AKT3: variants seen among roughly 807,000 people sequenced by gnomAD.
AKT3 encodes AKT serine/threonine kinase 3.
A neutral mutation model predicts 65.3 loss-of-function variants in AKT3; 15 were observed. The observed-to-expected ratio is 0.23, with a 90% CI of 0.15 to 0.35. The LOEUF is 0.35. Ranked by LOEUF, AKT3 falls within the 10% of genes least tolerant of loss-of-function variation. The pLI, the probability that AKT3 is intolerant of heterozygous loss-of-function variation, is 1.00. For synonymous variants in AKT3, 206 were observed against 183.8 expected, an observed-to-expected ratio of 1.12 and a Z score of -0.98; for missense variants, 243 against 576.5, an observed-to-expected ratio of 0.42 and a Z score of 5.92.
chr1:243,522,201 T>C (rs2148388740), intron 12 of AKT3, among the ~76,000 whole-genome samples: 1 of 152,346 alleles, frequency 6.6e-6, no homozygotes, highest in South Asian at 2.1e-4. Context: ...CTTCTTCAGC[T>C]GATTTTATAG....
At chr1:243,763,720 G>GT (rs2148252731) in intron 2 of AKT3, among the ~76,000 whole-genome samples, 1 of 152,160 alleles carries the variant, frequency 6.6e-6, no homozygotes, top group Admixed American at 6.5e-5. Flanking sequence ...ATATAATTTT[G>GT]TAAGTATATT....
intron 3 of AKT3, among the ~76,000 whole-genome samples, chr1:243,690,240 C>T (rs939715369): frequency 6.6e-6 from 1 of 152,032 alleles, no homozygotes; most frequent in Non-Finnish European, 1.5e-5. Flanking sequence ...CACACGTCCT[C>T]CATGTGGGAA....
chr1:243,787,445 G>A (rs1350524999), intron 2 of AKT3, among the ~76,000 whole-genome samples: 3 of 152,126 alleles, frequency 2.0e-5, no homozygotes, highest in Non-Finnish European at 4.4e-5. Flanking sequence ...AGATATAGCT[G>A]TTTCCTGGTC....
At chr1:243,804,754 G>C (rs980702536) in intron 2 of AKT3, among the ~76,000 whole-genome samples, 4 of 151,986 alleles carry the variant, frequency 2.6e-5, no homozygotes, top group Admixed American at 2.0e-4. Flanking sequence ...GGCTGAGGCA[G>C]GAGAACGGCG....
intron 6 of AKT3, among the ~76,000 whole-genome samples, chr1:243,617,081 A>G (rs1678379670): frequency 6.6e-6 from 1 of 152,198 alleles, no homozygotes; most frequent in African/African-American, 2.4e-5. Context: ...ATTGAACTGA[A>G]TTGTGTATCA....
chr1:243,749,103 C>T (rs938836221), intron 2 of AKT3, among the ~76,000 whole-genome samples: 3 of 152,042 alleles, frequency 2.0e-5, no homozygotes, highest in African/African-American at 7.2e-5. Context: ...TTGAAAAGTT[C>T]CCTTCTACTT....
At chr1:243,630,463 G>C (rs1679525792) in intron 6 of AKT3, among the ~76,000 whole-genome samples, 1 of 152,132 alleles carries the variant, frequency 6.6e-6, no homozygotes, top group Admixed American at 6.5e-5. Context: ...ACTCAGAAAG[G>C]GAGAAATTGG....
rs1053345663 is a variant in AKT3, at chr1:243,526,698, C to T, written c.1252-14272G>A. Reference sequence around the variant, plus strand: ...ACAATTTTATATTCAGTAAAAATATCCTTTAAGAATGAAGGCAAAATAAAG... The same window carrying T: ...ACAATTTTATATTCAGTAAAAATATTCTTTAAGAATGAAGGCAAAATAAAG... On this transcript the variant is annotated intron_variant, in intron 12 of 13. Transcript: ENST00000673466. Among the ~76,000 whole-genome samples, 4 of 139,080 alleles carry T rather than the reference C, an allele frequency of 2.9e-5. No homozygotes were observed. The South Asian group carries it at 9.3e-4, about 32-fold the overall frequency. The allele number at this position is 139,080 out of a possible 152,430, so 91.2% of individuals were successfully genotyped here.
intron 2 of AKT3, among the ~76,000 whole-genome samples, chr1:243,834,239 A>G (rs1694740710): frequency 6.6e-6 from 1 of 152,188 alleles, no homozygotes. Flanking sequence ...ACTACTGACA[A>G]CAGAAAAGAC....
At chr1:243,820,920 G>C (rs1005811725) in intron 2 of AKT3, among the ~76,000 whole-genome samples, 1 of 152,030 alleles carries the variant, frequency 6.6e-6, no homozygotes, top group African/African-American at 2.4e-5. Context: ...TTCAAATCCA[G>C]GAAATCCAGA....
chr1:243,810,552 A>G (rs575063255), intron 2 of AKT3, among the ~76,000 whole-genome samples: 1 of 152,230 alleles, frequency 6.6e-6, no homozygotes, highest in Admixed American at 6.5e-5. Context: ...CCAACCAAAA[A>G]AAGTCCAGGA....
At chr1:243,842,438 A>T (rs1695300577) in intron 2 of AKT3, among the ~76,000 whole-genome samples, 1 of 152,234 alleles carries the variant, frequency 6.6e-6, no homozygotes, top group Admixed American at 6.5e-5. Context: ...TAAGCAGGTG[A>T]TCTCACAGAT....
intron 2 of AKT3, among the ~76,000 whole-genome samples, chr1:243,826,714 G>A (rs181687098): frequency 2.0e-5 from 3 of 152,086 alleles, no homozygotes; most frequent in Admixed American, 1.3e-4. Flanking sequence ...AACTATAACC[G>A]CCCACCTATA....
Position 243,811,871 on chromosome 1 carries a change from G to A in AKT3, c.46+31254C>T, listed in dbSNP as rs537724853. ...AGAGCCCTCAGAAATAATACCACAC[G>A]TCTACAACCATCTGATCTTTGACAA... On this transcript the variant is annotated intron_variant, in intron 2 of 13. Coordinates refer to ENST00000673466, the MANE Select transcript of AKT3 (RefSeq NM_005465.7). Among the ~76,000 whole-genome samples the A allele has an allele frequency of 7.2e-4, 109 of 152,102 alleles. 1 individual carries two copies. The South Asian group carries it at 7.9e-3, about 11-fold the overall frequency.
intron 8 of AKT3, among the ~76,000 whole-genome samples, chr1:243,610,877 G>A (rs547664293): frequency 2.0e-5 from 3 of 152,294 alleles, no homozygotes; most frequent in Non-Finnish European, 2.9e-5. Context: ...ATATTGGGCT[G>A]TCTCATTCTT....
downstream of AKT3, among the ~76,000 whole-genome samples, chr1:243,495,341 T>A (rs187291787): frequency 6.6e-6 from 1 of 152,294 alleles, no homozygotes; most frequent in East Asian, 1.9e-4. Context: ...TGGATACCTT[T>A]CCATTCCTCT....
chr1:243,538,791 T>C (rs1259443624), intron 12 of AKT3, among the ~76,000 whole-genome samples: 1 of 146,452 alleles, frequency 6.8e-6, no homozygotes, highest in Non-Finnish European at 1.5e-5. Context: ...AGCCCAGGAG[T>C]TCAAATCCAG....
intron 12 of AKT3, among the ~76,000 whole-genome samples, chr1:243,520,442 C>T (rs1296579441): frequency 6.6e-6 from 1 of 152,206 alleles, no homozygotes. Context: ...CACATAAATA[C>T]ATTAATTTCC....
At chr1:243,844,699 A>T (rs987958618) in intron 1 of AKT3, among the ~76,000 whole-genome samples, 1 of 152,106 alleles carries the variant, frequency 6.6e-6, no homozygotes, top group Non-Finnish European at 1.5e-5. Flanking sequence ...CGCTGCACAA[A>T]TTTTTTTAAA....
Sources: gnomAD v4.1 joint callset for allele counts (sites outside exome capture counted in the v4.1 genomes callset) on GRCh38, gnomAD v4.1.1 for gene constraint, MANE v1.5 for transcripts, NCBI Gene and HGNC (gene_info 2026-07-23, HGNC 2026-07-21) for gene names.